TP53INP1: variants seen among roughly 807,000 people sequenced by gnomAD.
The protein encoded by TP53INP1 is tumor protein p53 inducible nuclear protein 1, also known as tumor protein p53-inducible nuclear protein 1.
Under a neutral mutation model 21.0 loss-of-function variants are expected in TP53INP1, and 12 were observed. The observed-to-expected ratio is 0.57, with a 90% confidence interval of 0.37 to 0.93. The LOEUF (loss-of-function observed/expected upper bound fraction) is 0.93. Ranked by LOEUF, TP53INP1 falls within the 40% of genes least tolerant of loss-of-function variation. The probability of loss-of-function intolerance (pLI) is 0.01; values close to 1 mark genes in which losing one functional copy is unlikely to be tolerated. For missense variants in TP53INP1, 274 were observed against 294.7 expected (o/e 0.93, Z 0.51); for synonymous variants, 91 against 94.8 (o/e 0.96, Z 0.23).
At chr8:94,931,098 A>G (rs556143972) in intron 3 of TP53INP1, among the ~76,000 whole-genome samples, 1 of 152,350 alleles carries the variant, frequency 6.6e-6, no homozygotes, top group African/African-American at 2.4e-5. Flanking sequence ...GCAAATATAT[A>G]TTTTAATTCT....
At position 94,941,017 on chromosome 8, in the gene TP53INP1, A is replaced by C. The variant is rs1439261758; in HGVS notation, c.-76T>G. 1 of 1,089,192 alleles carries C rather than the reference A, an allele frequency of 9.2e-7. No individual in the cohort carries two copies. The highest frequency in any genetic ancestry group is 1.4e-6 in the Non-Finnish European group (1 of 722,288). The allele number at this position is 1,089,192 out of a possible 1,614,324, so 67.5% of individuals were successfully genotyped here. On this transcript the variant is annotated 5_prime_UTR_variant, in exon 2 of 4. In the 5' UTR this introduces an upstream ATG that the reference lacks. Transcript: ENST00000342697. ...TCAAAACCTTGTCTTTAGTTGGCCC[A>C]ATGGTACCGACAGGAGATTAAAGTG...
chr8:94,946,729 C>T (rs148968021), intron 1 of TP53INP1, among the ~76,000 whole-genome samples: 24 of 86,198 alleles, frequency 2.8e-4, no homozygotes, highest in Non-Finnish European at 5.3e-4. Flanking sequence ...AAGACAGGCC[C>T]TGGAGTTTGA....
chr8:94,937,536 A>G (rs1279766181), intron 3 of TP53INP1, among the ~76,000 whole-genome samples: 2 of 152,062 alleles, frequency 1.3e-5, no homozygotes, highest in Admixed American at 6.5e-5. Context: ...GTATCTGAGG[A>G]AGAAGGGATG....
At chr8:94,947,623 G>A (rs1822137770) in intron 1 of TP53INP1, among the ~76,000 whole-genome samples, 1 of 152,218 alleles carries the variant, frequency 6.6e-6, no homozygotes, top group South Asian at 2.1e-4. Context: ...TTCCACTTAT[G>A]TGAAGACTGT....
At chr8:94,937,853 C>T (rs767105335) in intron 3 of TP53INP1, among the ~76,000 whole-genome samples, 32 of 151,936 alleles carry the variant, frequency 2.1e-4, no homozygotes, top group Non-Finnish European at 3.8e-4. Context: ...GTAAAAACAG[C>T]CTACTAATTT....
chr8:94,926,783 T>C lies in TP53INP1; in HGVS notation c.*3696A>G, dbSNP rs77004104. The C allele has an allele frequency of 2.6e-5, 4 of 152,330 alleles. No homozygotes were observed. The highest frequency in any genetic ancestry group is 9.6e-5 in the African/African-American group (4 of 41,576). 9.4% of individuals were successfully genotyped at this position (152,330 alleles called of 1,614,324 possible). A position where few individuals can be genotyped will look rare whatever the true frequency, so the allele number is the denominator to read the frequency against. On this transcript the variant is annotated 3_prime_UTR_variant, in exon 4 of 4. Transcript: ENST00000342697. ...GTACCTCTTTCTCCACCCTAAACAG[T>C]TGAAATTTAATTGGTCTCAAATTTC...
chr8:94,939,614 T>A (rs1563730033), intron 3 of TP53INP1: 2 of 464,054 alleles, frequency 4.3e-6, no homozygotes, highest in Non-Finnish European at 7.9e-6. Context: ...CCCAGGGTGG[T>A]CTTGAACTCC....
At position 94,940,028 on chromosome 8, in the gene TP53INP1, G is replaced by T; in HGVS notation, c.305C>A (p.Pro102Gln). The T allele has an allele frequency of 6.2e-7, 1 of 1,614,186 alleles. No individual in the cohort carries two copies. The highest frequency in any genetic ancestry group is 8.5e-7 in the Non-Finnish European group (1 of 1,180,030). ...MEESWFITPP[P>Q]CFTAGGLTTI... ...GGTTAATCCACCTGCAGTAAAACAT[G>T]GGGGTGGGGTGATAAACCAGCTCTC... is the stretch of plus-strand genomic sequence containing the variant. The change falls in exon 3 of 4, where the codon CCA becomes CAA. Residue 102 changes from proline to glutamine, a missense_variant. Transcript: ENST00000342697.
intron 3 of TP53INP1, among the ~76,000 whole-genome samples, chr8:94,933,840 G>GGC (rs1554630483): frequency 1.3e-5 from 2 of 148,494 alleles, no homozygotes; most frequent in Non-Finnish European, 3.0e-5. Flanking sequence ...TTTGTGGGGG[G>GGC]GGGGGGAGGA....
intron 3 of TP53INP1, among the ~76,000 whole-genome samples, chr8:94,937,276 A>C (rs1821070872): frequency 6.6e-6 from 1 of 152,056 alleles, no homozygotes; most frequent in African/African-American, 2.4e-5. Context: ...CCCCCTTTCT[A>C]CTAAAAGTAC....
chr8:94,942,572 T>C (rs1458287315), intron 1 of TP53INP1, among the ~76,000 whole-genome samples: 2 of 152,220 alleles, frequency 1.3e-5, no homozygotes, highest in African/African-American at 4.8e-5. Flanking sequence ...TCAGTCCAGG[T>C]CAACTATTAT....
chr8:94,938,693 A>G (rs549616443), intron 3 of TP53INP1, among the ~76,000 whole-genome samples: 62 of 152,364 alleles, frequency 4.1e-4, no homozygotes, highest in African/African-American at 1.5e-3. Context: ...AGAGCTGAAC[A>G]TGTGGAGGTT....
At position 94,949,142 on chromosome 8, in the gene TP53INP1, C is replaced by CCG. The variant is rs1822315331; in HGVS notation, c.-151+11_-151+12insCG. The CCG allele has an allele frequency of 6.7e-6, 1 of 149,524 alleles. No individual in the cohort carries two copies. The highest frequency in any genetic ancestry group is 2.4e-5 in the African/African-American group (1 of 41,126). 9.3% of individuals were successfully genotyped at this position (149,524 alleles called of 1,614,324 possible). On this transcript the variant is annotated intron_variant, in intron 1 of 3. Coordinates refer to ENST00000342697, the MANE Select transcript of TP53INP1 (RefSeq NM_033285.4). The stretch of plus-strand genomic sequence containing the variant: ...CTGGACGGACGCCCGCCCGCCCCCC[C>CCG]CCGGCACTTACGTGGGCCCGGGCCG...
chr8:94,942,664 C>T (rs1436905404), intron 1 of TP53INP1, among the ~76,000 whole-genome samples: 2 of 152,216 alleles, frequency 1.3e-5, no homozygotes, highest in African/African-American at 4.8e-5. Context: ...AGGGCCCTCC[C>T]ACAAGTTTAA....
At position 94,930,649 on chromosome 8, in the gene TP53INP1, GT is replaced by G. The variant is rs1563720176; in HGVS notation, c.552del (p.Glu184AspfsTer12). 1 of 1,614,196 alleles carries G rather than the reference GT, an allele frequency of 6.2e-7. No individual in the cohort carries two copies. Among genetic ancestry groups the G allele is most frequent in the Non-Finnish European group, 8.5e-7 (1 of 1,180,038 alleles). On this transcript the variant is annotated frameshift_variant, in exon 4 of 4. Coordinates refer to ENST00000342697, the MANE Select transcript of TP53INP1 (RefSeq NM_033285.4). LOFTEE classifies it high-confidence loss of function. ...TGGGAAGGGCGAAAGCTCTTGGGTTGTTCCAGAAAAGTTGTATGAGCAGCAA... is the reference window on the plus strand; with the variant it reads ...TGGGAAGGGCGAAAGCTCTTGGGTTGTCCAGAAAAGTTGTATGAGCAGCAA... ...AALAAHTTFL[E>X]QPKSFRPSQW...
intron 1 of TP53INP1, among the ~76,000 whole-genome samples, chr8:94,941,446 C>T (rs1821521956): frequency 6.6e-6 from 1 of 152,190 alleles, no homozygotes; most frequent in Admixed American, 6.5e-5. Flanking sequence ...TATTCAACTG[C>T]TCAGAAGTCC....
chr8:94,940,125 G>A lies in TP53INP1; in HGVS notation c.208C>T (p.Pro70Ser), dbSNP rs1450051520. The change falls in exon 3 of 4, where the codon CCG becomes TCG. Residue 70 changes from proline (P) to serine (S), a missense_variant. By Grantham distance (74) the Pro-to-Ser change is moderately conservative. Coordinates refer to ENST00000342697, the MANE Select transcript of TP53INP1 (RefSeq NM_033285.4). ...TCAGCCAAGCACTCAAGAGATGCCG[G>A]TAAACAGGAAAAGACTGAAGGGTGC... ...TEHPSVFSCLPASLECLADTS... is the reference protein window; with the variant it reads ...TEHPSVFSCLSASLECLADTS... 1.2e-6 allele frequency: 2 copies of A among 1,614,034 alleles called. No homozygotes were observed. The highest frequency in any genetic ancestry group is 1.3e-5 in the African/African-American group (1 of 74,912).
chr8:94,941,421 A>G (rs1224702359), intron 1 of TP53INP1, among the ~76,000 whole-genome samples: 1 of 152,176 alleles, frequency 6.6e-6, no homozygotes, highest in African/African-American at 2.4e-5. Context: ...AGATAGTAAC[A>G]GTCTTGCTAT....
At chr8:94,947,293 A>G (rs975180980) in intron 1 of TP53INP1, among the ~76,000 whole-genome samples, 2 of 152,062 alleles carry the variant, frequency 1.3e-5, no homozygotes, top group African/African-American at 2.4e-5. Context: ...TTAAAAAAAA[A>G]AAAAAAACCC....
Sources: allele counts gnomAD v4.1 joint callset (sites outside exome capture counted in the v4.1 genomes callset), GRCh38; gene constraint gnomAD v4.1.1; transcripts MANE v1.5; gene names NCBI Gene and HGNC (gene_info 2026-07-23, HGNC 2026-07-21).